CTIF: variants seen among roughly 807,000 people sequenced by gnomAD.
CTIF encodes cap binding complex dependent translation initiation factor.
Under a neutral mutation model 66.0 loss-of-function variants are expected in CTIF, and 21 were observed. That is an observed-to-expected ratio of 0.32 (90% CI 0.23 to 0.46). CTIF has a LOEUF of 0.46. Ranked by LOEUF, CTIF falls within the 20% of genes least tolerant of loss-of-function variation. The pLI is 1.00. For synonymous variants in CTIF, 345 were observed against 326.4 expected, an observed-to-expected ratio of 1.06 and a Z score of -0.62; for missense variants, 739 against 812.7, an observed-to-expected ratio of 0.91 and a Z score of 1.10.
At chr18:48,801,770 C>A (rs1356463961) in intron 9 of CTIF, among the ~76,000 whole-genome samples, 1 of 152,306 alleles carries the variant, frequency 6.6e-6, no homozygotes, top group East Asian at 1.9e-4. Context: ...GCTTCCAGAG[C>A]AGAGGGATCC....
At chr18:48,613,765 G>A (rs1308767838) in intron 1 of CTIF, among the ~76,000 whole-genome samples, 1 of 152,084 alleles carries the variant, frequency 6.6e-6, no homozygotes, top group Non-Finnish European at 1.5e-5. Context: ...GGCGGCCCTG[G>A]GTCCTCTCTG....
chr18:48,725,997 T>C (rs1021752290), intron 7 of CTIF, among the ~76,000 whole-genome samples: 5 of 152,146 alleles, frequency 3.3e-5, no homozygotes, highest in African/African-American at 9.7e-5. Flanking sequence ...TCACTAGATA[T>C]GTAGCCTCAA....
chr18:48,718,877 G>A (rs757005362), intron 7 of CTIF, among the ~76,000 whole-genome samples: 6 of 151,998 alleles, frequency 3.9e-5, no homozygotes, highest in South Asian at 2.1e-4. Flanking sequence ...CCCCATTCCC[G>A]AGGCATGAAG....
At chr18:48,635,331 T>G (rs541272175) in intron 2 of CTIF, among the ~76,000 whole-genome samples, 1 of 142,006 alleles carries the variant, frequency 7.0e-6, no homozygotes, top group Non-Finnish European at 1.5e-5. Context: ...TTCTTTCTTT[T>G]TTTTTTTTTT....
At chr18:48,643,673 C>T (rs1460553328) in intron 3 of CTIF, among the ~76,000 whole-genome samples, 1 of 152,094 alleles carries the variant, frequency 6.6e-6, no homozygotes, top group African/African-American at 2.4e-5. Context: ...ACTTCTATGG[C>T]TAGCTTCAGG....
chr18:48,793,744 C>T (rs2067845886), intron 9 of CTIF, among the ~76,000 whole-genome samples: 1 of 152,150 alleles, frequency 6.6e-6, no homozygotes, highest in African/African-American at 2.4e-5. Flanking sequence ...GCTGCCATAC[C>T]AATGCCCAAG....
chr18:48,723,349 A>G (rs2092358372), intron 7 of CTIF, among the ~76,000 whole-genome samples: 1 of 152,148 alleles, frequency 6.6e-6, no homozygotes, highest in Non-Finnish European at 1.5e-5. Flanking sequence ...GAATGAATGA[A>G]TGAATGAATG....
intron 9 of CTIF, among the ~76,000 whole-genome samples, chr18:48,783,761 T>G (rs1911459893): frequency 6.6e-6 from 1 of 152,132 alleles, no homozygotes; most frequent in Admixed American, 6.5e-5. Context: ...TGCCGCAGGC[T>G]GCCACCATCC....
intron 9 of CTIF, among the ~76,000 whole-genome samples, chr18:48,773,206 C>T (rs1910343713): frequency 6.6e-6 from 1 of 152,204 alleles, no homozygotes; most frequent in African/African-American, 2.4e-5. Flanking sequence ...CCTCGTATTA[C>T]AGTTGAGAGA....
At chr18:48,668,826 G>C (rs953839337) in intron 5 of CTIF, among the ~76,000 whole-genome samples, 1 of 152,108 alleles carries the variant, frequency 6.6e-6, no homozygotes, top group South Asian at 2.1e-4. Flanking sequence ...TGTCCCCAGC[G>C]GGGCACTTGC....
chr18:48,699,681 C>G (rs1324650367), intron 6 of CTIF, among the ~76,000 whole-genome samples: 5 of 152,202 alleles, frequency 3.3e-5, no homozygotes, highest in Non-Finnish European at 5.9e-5. Context: ...TCTCCACATG[C>G]AGCGGGGCAT....
chr18:48,549,626 G>A (rs748402336), intron 1 of CTIF, among the ~76,000 whole-genome samples: 6 of 152,210 alleles, frequency 3.9e-5, no homozygotes, highest in African/African-American at 9.7e-5. Context: ...ACATAACTGC[G>A]TCCAAAGGCA....
chr18:48,779,707 G>A (rs1911030335), intron 9 of CTIF, among the ~76,000 whole-genome samples: 1 of 152,212 alleles, frequency 6.6e-6, no homozygotes, highest in African/African-American at 2.4e-5. Context: ...GGGGGTGGGG[G>A]AGAGTCTCCA....
At chr18:48,573,825 C>A (rs2089473105) in intron 1 of CTIF, among the ~76,000 whole-genome samples, 1 of 152,228 alleles carries the variant, frequency 6.6e-6, no homozygotes, top group Non-Finnish European at 1.5e-5. Flanking sequence ...GAAGGCAGCA[C>A]ACTGCACTGT....
intron 9 of CTIF, among the ~76,000 whole-genome samples, chr18:48,788,792 G>A (rs1482871949): frequency 6.6e-6 from 1 of 152,142 alleles, no homozygotes; most frequent in Non-Finnish European, 1.5e-5. Flanking sequence ...ATGAGAAGAA[G>A]CACTTGTACT....
chr18:48,614,228 G>A (rs1335018037), intron 1 of CTIF, among the ~76,000 whole-genome samples: 2 of 152,122 alleles, frequency 1.3e-5, no homozygotes, highest in Non-Finnish European at 2.9e-5. Flanking sequence ...CAAAGCTCAG[G>A]CAGGAAGGCA....
chr18:48,855,494 G>A (rs2337111), intron 10 of CTIF, among the ~76,000 whole-genome samples: 2 of 152,096 alleles, frequency 1.3e-5, no homozygotes, highest in East Asian at 1.9e-4. Context: ...TGGGTTAGGA[G>A]TTAACTGTGG....
chr18:48,593,106 T>C (rs1324399600), intron 1 of CTIF, among the ~76,000 whole-genome samples: 1 of 152,128 alleles, frequency 6.6e-6, no homozygotes, highest in Non-Finnish European at 1.5e-5. Flanking sequence ...CTGTATCTGG[T>C]GGGAGCATGG....
intron 1 of CTIF, among the ~76,000 whole-genome samples, chr18:48,589,541 G>A (rs181304526): frequency 2.2e-4 from 34 of 152,328 alleles, no homozygotes; most frequent in Middle Eastern, 3.4e-3. Context: ...TAGGGACTAG[G>A]GGTCCAACAT....
Sources: allele counts gnomAD v4.1 joint callset (sites outside exome capture counted in the v4.1 genomes callset), GRCh38; gene constraint gnomAD v4.1.1; transcripts MANE v1.5; gene names NCBI Gene and HGNC (gene_info 2026-07-23, HGNC 2026-07-21).